Variants in NUBPL observed in about 807,000 individuals in gnomAD.
The protein encoded by NUBPL is NUBP iron-sulfur cluster assembly factor, mitochondrial.
A neutral mutation model predicts 45.7 loss-of-function variants in NUBPL; 31 were observed. That is an observed-to-expected ratio of 0.68 (90% CI 0.51 to 0.92). The LOEUF is 0.92. Ranked by LOEUF, NUBPL falls within the 40% of genes least tolerant of loss-of-function variation. NUBPL has a pLI of 0.00. For missense variants in NUBPL, 401 were observed against 398.7 expected (o/e 1.01, Z -0.05); for synonymous variants, 144 against 140.9 (o/e 1.02, Z -0.15).
chr14:31,830,691 G>A (rs1432102629), intron 8 of NUBPL, among the ~76,000 whole-genome samples: 1 of 152,152 alleles, frequency 6.6e-6, no homozygotes, highest in South Asian at 2.1e-4. Context: ...AAGAATGCAG[G>A]TTTTGGATAG....
intron 10 of NUBPL, among the ~76,000 whole-genome samples, chr14:31,856,244 T>A (rs1566601275): frequency 6.6e-6 from 1 of 151,864 alleles, no homozygotes. Context: ...TAGACTCCCA[T>A]TTTTTTTAAG....
At position 31,673,609 on chromosome 14, in the gene NUBPL, G is replaced by A. The variant is rs777174450; in HGVS notation, c.513+35G>A. ...TTGCTTTAAATATCATTTTATCATT[G>A]GCAAAGCTGTGGTTAATACATTTGC... On this transcript the variant is annotated intron_variant, in intron 6 of 10. Transcript: ENST00000281081. 2.1e-5 allele frequency: 33 copies of A among 1,553,532 alleles called. No individual in the cohort carries two copies. In the Admixed American group the frequency reaches 5.5e-4, roughly 26 times the overall value.
chr14:31,838,321 AT>A (rs2040317541), intron 8 of NUBPL, among the ~76,000 whole-genome samples: 1 of 151,350 alleles, frequency 6.6e-6, no homozygotes, highest in Non-Finnish European at 1.5e-5. Flanking sequence ...GTACAAAAAC[AT>A]TCACAGAAGC....
chr14:31,565,087 G>A (rs1265767507), intron 3 of NUBPL, 39 bp downstream of exon 3: 1 of 1,243,860 alleles, frequency 8.0e-7, no homozygotes, highest in Non-Finnish European at 1.2e-6. Context: ...TTATTAAAAT[G>A]TTTTTAAGGC....
chr14:31,707,091 G>A (rs557904377), intron 6 of NUBPL, among the ~76,000 whole-genome samples: 34 of 152,188 alleles, frequency 2.2e-4, no homozygotes, highest in Non-Finnish European at 4.1e-4. Context: ...TCGCCTGGGA[G>A]GAACCATCTA....
At chr14:31,742,519 A>T (rs1175657735) in intron 6 of NUBPL, among the ~76,000 whole-genome samples, 2 of 152,168 alleles carry the variant, frequency 1.3e-5, no homozygotes, top group Non-Finnish European at 2.9e-5. Flanking sequence ...TGAAGGTTCT[A>T]AAGCAGCCAC....
chr14:31,604,875 C>A (rs1035645688), intron 4 of NUBPL, among the ~76,000 whole-genome samples: 1 of 152,132 alleles, frequency 6.6e-6, no homozygotes, highest in Admixed American at 6.5e-5. Flanking sequence ...TTTCCGTCAG[C>A]TTAAAATGAC....
At chr14:31,590,423 G>A (rs1341244691) in intron 3 of NUBPL, among the ~76,000 whole-genome samples, 1 of 152,052 alleles carries the variant, frequency 6.6e-6, no homozygotes, top group Non-Finnish European at 1.5e-5. Context: ...GTCATTGAGG[G>A]GAAGAGAGCA....
At chr14:31,703,382 C>G (rs894663663) in intron 6 of NUBPL, among the ~76,000 whole-genome samples, 3 of 152,194 alleles carry the variant, frequency 2.0e-5, no homozygotes, top group African/African-American at 7.2e-5. Flanking sequence ...GCTTTCTTTC[C>G]TTTTCTGGTG....
intron 2 of NUBPL, among the ~76,000 whole-genome samples, chr14:31,564,773 G>A (rs1461198786): frequency 6.6e-6 from 1 of 152,092 alleles, no homozygotes; most frequent in African/African-American, 2.4e-5. Flanking sequence ...TTTGGGACAT[G>A]CATCTATTGC....
In NUBPL at chr14:31,772,871, C is replaced by T. The variant is rs1221112331; in HGVS notation, c.514-14909C>T. Among the ~76,000 whole-genome samples, 12 of 152,304 alleles carry T rather than the reference C, an allele frequency of 7.9e-5. No homozygotes were observed. The East Asian group carries it at 1.7e-3, about 22-fold the overall frequency. On this transcript the variant is annotated intron_variant, in intron 6 of 10. Coordinates refer to ENST00000281081, the MANE Select transcript of NUBPL (RefSeq NM_025152.3). ...TTTAGATAAACAGCCTCCTCTCCCACACCCTTTTTTCTTTTAGAAAGAAAG... is the reference window on the plus strand; with the variant it reads ...TTTAGATAAACAGCCTCCTCTCCCATACCCTTTTTTCTTTTAGAAAGAAAG...
intron 7 of NUBPL, among the ~76,000 whole-genome samples, chr14:31,792,210 T>C (rs2039395221): frequency 6.6e-6 from 1 of 152,184 alleles, no homozygotes; most frequent in Non-Finnish European, 1.5e-5. Context: ...TAGGTTGAAA[T>C]TATTCTAATC....
chr14:31,677,497 T>A (rs2139822571), intron 6 of NUBPL, among the ~76,000 whole-genome samples: 1 of 152,364 alleles, frequency 6.6e-6, no homozygotes, highest in East Asian at 1.9e-4. Flanking sequence ...TGTTGTGATC[T>A]AAGTTGTATC....
chr14:31,831,421 T>A (rs1252798739), intron 8 of NUBPL, among the ~76,000 whole-genome samples: 2 of 150,394 alleles, frequency 1.3e-5, no homozygotes, highest in South Asian at 4.2e-4. Context: ...TGTTTTCACA[T>A]TTGTCAGTAC....
At chr14:31,831,715 A>G (rs996279312) in intron 8 of NUBPL, among the ~76,000 whole-genome samples, 7 of 152,194 alleles carry the variant, frequency 4.6e-5, no homozygotes, top group African/African-American at 1.4e-4. Flanking sequence ...CAGTTTGTCT[A>G]TAGTTGAGAT....
intron 7 of NUBPL, chr14:31,801,011 C>T (rs141784091): frequency 3.5e-4 from 53 of 152,230 alleles, no homozygotes; most frequent in African/African-American, 1.2e-3. Context: ...TACCTAGGGA[C>T]TAGTGACAGT....
chr14:31,759,582 A>G (rs1595592665), intron 6 of NUBPL, among the ~76,000 whole-genome samples: 1 of 152,052 alleles, frequency 6.6e-6, no homozygotes, highest in Admixed American at 6.6e-5. Flanking sequence ...CTGTTCTCAT[A>G]GTAATTTTCA....
intron 4 of NUBPL, among the ~76,000 whole-genome samples, chr14:31,640,367 A>C (rs1348190599): frequency 6.6e-6 from 1 of 152,204 alleles, no homozygotes. Context: ...CGGGAGGCCA[A>C]GGTGGGTGGA....
At chr14:31,678,488 G>C (rs2036752252) in intron 6 of NUBPL, among the ~76,000 whole-genome samples, 2 of 152,208 alleles carry the variant, frequency 1.3e-5, no homozygotes, top group South Asian at 4.1e-4. Flanking sequence ...TCATGGCCCA[G>C]AGGCCCTTTA....
Sources: gnomAD v4.1 joint callset for allele counts (sites outside exome capture counted in the v4.1 genomes callset) on GRCh38, gnomAD v4.1.1 for gene constraint, MANE v1.5 for transcripts, NCBI Gene and HGNC (gene_info 2026-07-23, HGNC 2026-07-21) for gene names.